The following ASH1L variants were observed in gnomAD, a reference collection of about 807,000 sequenced individuals.
ASH1L encodes the protein ASH1 like histone lysine methyltransferase.
In ASH1L, 23 loss-of-function variants were observed where a neutral mutation model predicts 269.0. The ratio of observed to expected loss-of-function variants is 0.09; its 90% CI spans 0.06 to 0.12. The LOEUF (loss-of-function observed/expected upper bound fraction) is 0.12. ASH1L is among the 10% of genes least tolerant of loss of function. ASH1L has a pLI of 1.00. For missense variants in ASH1L, 2,912 were observed against 3,567.8 expected (o/e 0.82, Z 4.68); for synonymous variants, 1,187 against 1,253.5 (o/e 0.95, Z 1.12).
At chr1:155,394,104 G>T (rs898540791) in intron 7 of ASH1L, among the ~76,000 whole-genome samples, 1 of 152,154 alleles carries the variant, frequency 6.6e-6, no homozygotes, top group African/African-American at 2.4e-5. Flanking sequence ...TATTGAAGCT[G>T]ATACTAACAT....
chr1:155,501,783 C>A (rs1399895610), intron 2 of ASH1L, among the ~76,000 whole-genome samples: 1 of 152,164 alleles, frequency 6.6e-6, no homozygotes, highest in Non-Finnish European at 1.5e-5. Context: ...CTGCCTCAGC[C>A]TCCCAAGTAG....
intron 16 of ASH1L, 71 bp from the exon 17 acceptor site, chr1:155,352,929 A>T: frequency 1.4e-6 from 2 of 1,406,386 alleles, no homozygotes; most frequent in Non-Finnish European, 1.9e-6. Flanking sequence ...TTCCCAATGG[A>T]TTCCTGCCAT....
At chr1:155,358,456 C>T (rs893409113) in intron 13 of ASH1L, among the ~76,000 whole-genome samples, 6 of 151,644 alleles carry the variant, frequency 4.0e-5, no homozygotes, top group Non-Finnish European at 7.4e-5. Context: ...GAGGCCAAGG[C>T]GGGCGGATCA....
chr1:155,448,879 G>A (rs1168404970), intron 4 of ASH1L, among the ~76,000 whole-genome samples: 1 of 151,598 alleles, frequency 6.6e-6, no homozygotes, highest in African/African-American at 2.4e-5. Context: ...TAGATCTTTG[G>A]TGTTTAATAA....
intron 15 of ASH1L, 128 bp downstream of exon 15, chr1:155,357,188 G>T: frequency 2.0e-4 from 42 of 208,146 alleles, no homozygotes; most frequent in Middle Eastern, 7.7e-4. Flanking sequence ...CAGGTTCATA[G>T]ATCCCCTGAA....
chr1:155,480,455 A>G lies in ASH1L; in HGVS notation c.2415T>C (p.Ala805=). The part of the protein sequence containing the change: ...DSEKPSHKSF[A]THKLSSSMCV... ...ACATACTGGAGGATAGTTTGTGAGT[A>G]GCAAAAGACTTATGAGATGGTTTTT... Residue 805 remains alanine, a synonymous_variant, in exon 3 of 28, where the codon GCT becomes GCC. Coordinates refer to ENST00000392403, the MANE Select transcript of ASH1L (RefSeq NM_018489.3). 1 of 1,614,152 alleles carries G rather than the reference A, an allele frequency of 6.2e-7. No homozygotes were observed. The highest frequency in any genetic ancestry group is 8.5e-7 in the Non-Finnish European group (1 of 1,179,968).
At chr1:155,435,215 T>C (rs1318473616) in intron 5 of ASH1L, among the ~76,000 whole-genome samples, 1 of 152,130 alleles carries the variant, frequency 6.6e-6, no homozygotes, top group African/African-American at 2.4e-5. Context: ...CCAAATAAGT[T>C]GGGAATGGCT....
chr1:155,458,116 G>C (rs557607540), intron 4 of ASH1L, among the ~76,000 whole-genome samples: 2 of 152,148 alleles, frequency 1.3e-5, no homozygotes, highest in South Asian at 4.1e-4. Flanking sequence ...GAGAAATTAA[G>C]TCACTTCTTG....
chr1:155,494,705 T>A (rs1667036056), intron 2 of ASH1L, among the ~76,000 whole-genome samples: 1 of 152,122 alleles, frequency 6.6e-6, no homozygotes, highest in South Asian at 2.1e-4. Context: ...GGAGTTTAGT[T>A]TGAGACATGT....
intron 1 of ASH1L, among the ~76,000 whole-genome samples, chr1:155,527,724 G>A (rs1669364569): frequency 6.6e-6 from 1 of 151,440 alleles, no homozygotes; most frequent in Admixed American, 6.6e-5. Flanking sequence ...TTTTTTCACT[G>A]TTTTAGAGAC....
chr1:155,385,286 T>C lies in ASH1L; in HGVS notation c.6104-5170A>G, dbSNP rs919508601. On this transcript the variant is annotated intron_variant, in intron 7 of 27. Coordinates refer to ENST00000392403, the MANE Select transcript of ASH1L (RefSeq NM_018489.3). ...GGTAAAACCCCGTCTTTACTAAAAA[T>C]ACAAAAATTAGCCAGGTATGGTGGC... Among the ~76,000 whole-genome samples, 34 of 152,046 alleles carry C rather than the reference T, an allele frequency of 2.2e-4. 1 individual carries two copies. Among genetic ancestry groups the C allele is most frequent in the Admixed American group, 7.9e-4 (12 of 15,238 alleles).
chr1:155,546,756 CA>C (rs924039977), intron 1 of ASH1L, among the ~76,000 whole-genome samples: 61 of 141,398 alleles, frequency 4.3e-4, no homozygotes, highest in Non-Finnish European at 6.8e-4. Context: ...GACTCCGTCT[CA>C]AAAAAAAAAG....
chr1:155,390,039 T>C (rs11264369), intron 7 of ASH1L, among the ~76,000 whole-genome samples: 85,049 of 151,846 alleles, frequency 0.56, 26,870 homozygotes, highest in Non-Finnish European at 0.71. Flanking sequence ...ATCCATGTAA[T>C]GCTGAGTCAG....
intron 5 of ASH1L, among the ~76,000 whole-genome samples, chr1:155,437,121 T>G (rs1002351556): frequency 2.0e-5 from 3 of 152,250 alleles, no homozygotes; most frequent in Middle Eastern, 6.8e-3. Context: ...TTCATAGATA[T>G]CAGAAAATTT....
At chr1:155,417,460 G>A (rs997686821) in intron 5 of ASH1L, among the ~76,000 whole-genome samples, 3 of 152,210 alleles carry the variant, frequency 2.0e-5, no homozygotes, top group Non-Finnish European at 2.9e-5. Context: ...CGTTGTGCAT[G>A]TGAAGGGTGA....
At chr1:155,535,699 T>C (rs1571094939) in intron 1 of ASH1L, among the ~76,000 whole-genome samples, 1 of 149,974 alleles carries the variant, frequency 6.7e-6, no homozygotes, top group African/African-American at 2.4e-5. Context: ...TATTTAAAAA[T>C]GTATAGCACA....
chr1:155,378,662 T>A, intron 8 of ASH1L, 114 bp from the exon 9 acceptor site: 1 of 812,916 alleles, frequency 1.2e-6, no homozygotes, highest in Non-Finnish European at 2.0e-6. Flanking sequence ...TCTGGAAATA[T>A]TTACAAGACA....
Position 155,465,862 on chromosome 1 carries a change from G to C in ASH1L, c.4985-5964C>G, listed in dbSNP as rs58306006. 3.7e-3 allele frequency among the ~76,000 whole-genome samples: 569 copies of C among 152,182 alleles called. 5 individuals carry two copies. The highest frequency in any genetic ancestry group is 0.013 in the African/African-American group (545 of 41,520). On this transcript the variant is annotated intron_variant, in intron 3 of 27. Coordinates refer to ENST00000392403, the MANE Select transcript of ASH1L (RefSeq NM_018489.3). ...CCCAGATTCAAGTTCTGAATCCTTT[G>C]GTATGGTTCACAGTTGATAGCCACC...
chr1:155,503,309 G>GT (rs906233400), intron 2 of ASH1L, among the ~76,000 whole-genome samples: 1 of 152,118 alleles, frequency 6.6e-6, no homozygotes, highest in Non-Finnish European at 1.5e-5. Flanking sequence ...ATATTCTAGT[G>GT]TATCTACCAT....
Sources: allele counts gnomAD v4.1 joint callset (sites outside exome capture counted in the v4.1 genomes callset), GRCh38; gene constraint gnomAD v4.1.1; transcripts MANE v1.5; gene names NCBI Gene and HGNC (gene_info 2026-07-23, HGNC 2026-07-21).